The following SLC14A2 variants were observed in gnomAD, a reference collection of about 807,000 sequenced individuals.
SLC14A2 encodes solute carrier family 14 member 2.
Under a neutral mutation model 104.6 loss-of-function variants are expected in SLC14A2, and 91 were observed. That is an observed-to-expected ratio of 0.87 (90% CI 0.73 to 1.04). SLC14A2 has a LOEUF of 1.04. SLC14A2 is among the 50% of genes least tolerant of loss of function. SLC14A2 has a pLI of 0.00. For missense variants in SLC14A2, 1,189 were observed against 1,156.0 expected, an observed-to-expected ratio of 1.03 and a Z score of -0.41; for synonymous variants, 476 against 466.4, an observed-to-expected ratio of 1.02 and a Z score of -0.27.
intron 10 of SLC14A2, among the ~76,000 whole-genome samples, chr18:45,655,296 T>C (rs192533096): frequency 2.0e-5 from 3 of 152,308 alleles, no homozygotes; most frequent in Non-Finnish European, 4.4e-5. Context: ...TTGTAAAGTA[T>C]GTGATATCCT....
intron 6 of SLC14A2, among the ~76,000 whole-genome samples, chr18:45,639,023 C>G (rs2045471987): frequency 6.6e-6 from 1 of 152,232 alleles, no homozygotes; most frequent in Non-Finnish European, 1.5e-5. Flanking sequence ...CTCCCCAATT[C>G]CAGCACCAAG....
At chr18:45,334,702 G>A (rs2085321921) in intron 1 of SLC14A2, among the ~76,000 whole-genome samples, 1 of 152,126 alleles carries the variant, frequency 6.6e-6, no homozygotes, top group South Asian at 2.1e-4. Context: ...TTGCTCCTCT[G>A]TGTCCTGGAG....
At chr18:45,508,538 A>T (rs568637591) in intron 2 of SLC14A2, among the ~76,000 whole-genome samples, 3 of 151,868 alleles carry the variant, frequency 2.0e-5, no homozygotes, top group Admixed American at 6.6e-5. Context: ...ACTCCATTAA[A>T]CCTCTTTGTT....
At chr18:45,187,922 A>G in the SLC14A2 span, among the ~76,000 whole-genome samples, 2 of 152,176 alleles carry the variant, frequency 1.3e-5, no homozygotes, top group Non-Finnish European at 2.9e-5. Flanking sequence ...TTTCTTAAAC[A>G]GTCCATGAAA....
chr18:45,434,247 G>A (rs1468347395), intron 1 of SLC14A2, among the ~76,000 whole-genome samples: 18 of 152,086 alleles, frequency 1.2e-4, no homozygotes, highest in African/African-American at 2.9e-4. Context: ...CCACAAAGCC[G>A]GTCCTTAAGA....
intron 1 of SLC14A2, among the ~76,000 whole-genome samples, chr18:45,213,400 A>G (rs2083978875): frequency 6.6e-6 from 1 of 152,226 alleles, no homozygotes; most frequent in African/African-American, 2.4e-5. Context: ...ATGAGATGGT[A>G]CTGGTCATCC....
intron 1 of SLC14A2, among the ~76,000 whole-genome samples, chr18:45,280,892 G>T (rs182141059): frequency 1.3e-5 from 2 of 151,972 alleles, no homozygotes; most frequent in Non-Finnish European, 2.9e-5. Context: ...TCCCAGCATC[G>T]CTGTGCCTTT....
intron 1 of SLC14A2, among the ~76,000 whole-genome samples, chr18:45,242,427 C>T (rs1007606155): frequency 6.6e-6 from 1 of 152,154 alleles, no homozygotes; most frequent in Non-Finnish European, 1.5e-5. Flanking sequence ...AGAGGGAAAA[C>T]TCGATTGCTC....
chr18:45,422,764 T>C (rs1291616126), intron 1 of SLC14A2, among the ~76,000 whole-genome samples: 1 of 152,174 alleles, frequency 6.6e-6, no homozygotes, highest in Non-Finnish European at 1.5e-5. Context: ...GCTGTTGCTG[T>C]CTAAGCTTTT....
At chr18:45,604,476 T>C (rs532295953) in intron 2 of SLC14A2, among the ~76,000 whole-genome samples, 159 of 152,186 alleles carry the variant, frequency 1.0e-3, no homozygotes, top group Non-Finnish European at 2.0e-3. Context: ...ATTGAAAATA[T>C]AGCGCAGAGA....
chr18:45,298,172 T>C (rs2084934842), intron 1 of SLC14A2, among the ~76,000 whole-genome samples: 1 of 152,192 alleles, frequency 6.6e-6, no homozygotes, highest in Non-Finnish European at 1.5e-5. Context: ...CACCATTCCC[T>C]ATAAAATAGC....
At chr18:45,255,129 C>A (rs973655990) in intron 1 of SLC14A2, among the ~76,000 whole-genome samples, 1 of 152,156 alleles carries the variant, frequency 6.6e-6, no homozygotes, top group Admixed American at 6.5e-5. Flanking sequence ...TTTTCCCATT[C>A]CCCCCGAACA....
chr18:45,202,014 G>A, the SLC14A2 span, among the ~76,000 whole-genome samples: 1 of 152,048 alleles, frequency 6.6e-6, no homozygotes, highest in South Asian at 2.1e-4. Context: ...AAATGCAAGA[G>A]CAAATTAACT....
chr18:45,556,625 A>G (rs1416285733), intron 2 of SLC14A2, among the ~76,000 whole-genome samples: 1 of 152,252 alleles, frequency 6.6e-6, no homozygotes, highest in Non-Finnish European at 1.5e-5. Context: ...TAGTTAAATC[A>G]TGGGATTCGT....
chr18:45,263,873 T>C (rs1300139511), intron 1 of SLC14A2, among the ~76,000 whole-genome samples: 1 of 152,096 alleles, frequency 6.6e-6, no homozygotes, highest in Non-Finnish European at 1.5e-5. Flanking sequence ...ATCAACCAGG[T>C]CTCCAAGGAC....
intron 1 of SLC14A2, among the ~76,000 whole-genome samples, chr18:45,220,758 C>T (rs914831782): frequency 6.6e-6 from 1 of 152,162 alleles, no homozygotes; most frequent in Non-Finnish European, 1.5e-5. Context: ...GCTGCCATAA[C>T]AAAGTACCAT....
At chr18:45,467,908 GGA>G (rs2087173410) in intron 1 of SLC14A2, among the ~76,000 whole-genome samples, 1 of 152,154 alleles carries the variant, frequency 6.6e-6, no homozygotes, top group South Asian at 2.1e-4. Context: ...GGAGGTATGG[GGA>G]GAGAGGGGCT....
intron 2 of SLC14A2, among the ~76,000 whole-genome samples, chr18:45,493,929 T>C (rs538092037): frequency 2.2e-4 from 34 of 152,336 alleles, no homozygotes; most frequent in South Asian, 2.1e-4. Context: ...AAAGGCTAAA[T>C]AGAAACATCA....
chr18:45,368,787 A>G (rs1370515142), intron 1 of SLC14A2, among the ~76,000 whole-genome samples: 3 of 152,194 alleles, frequency 2.0e-5, no homozygotes, highest in Non-Finnish European at 2.9e-5. Flanking sequence ...CTTCTCTCCT[A>G]CCAGTGAGAA....
Sources: allele counts gnomAD v4.1 joint callset (sites outside exome capture counted in the v4.1 genomes callset), GRCh38; gene constraint gnomAD v4.1.1; transcripts MANE v1.5; gene names NCBI Gene and HGNC (gene_info 2026-07-23, HGNC 2026-07-21).